Variants in MSI2 observed in about 807,000 individuals in gnomAD.
MSI2 encodes RNA-binding protein Musashi homolog 2.
In MSI2, 17 loss-of-function variants were observed where a neutral mutation model predicts 45.6. The observed-to-expected ratio is 0.37, with a 90% CI of 0.26 to 0.56. The LOEUF (loss-of-function observed/expected upper bound fraction) is 0.56, where lower values mean the gene tolerates loss of function less well. Among genes scored for constraint, MSI2 ranks in the 20% least tolerant of loss-of-function variants. The probability of loss-of-function intolerance (pLI) is 0.77; values close to 1 mark genes in which losing one functional copy is unlikely to be tolerated. For missense variants in MSI2, 293 were observed against 444.2 expected, an observed-to-expected ratio of 0.66 and a Z score of 3.06; for synonymous variants, 156 against 158.2, an observed-to-expected ratio of 0.99 and a Z score of 0.11.
intron 5 of MSI2, among the ~76,000 whole-genome samples, chr17:57,382,654 C>T (rs932993292): frequency 2.6e-5 from 4 of 152,160 alleles, no homozygotes; most frequent in Admixed American, 6.5e-5. Context: ...GATGGCTCTG[C>T]AGATACCCTG....
chr17:57,631,884 G>A, intron 10 of MSI2: 2 of 1,605,284 alleles, frequency 1.2e-6, no homozygotes, highest in South Asian at 2.2e-5. Flanking sequence ...TAGAGAGAGA[G>A]GACACAGTCC....
At position 57,256,790 on chromosome 17, in the gene MSI2, C is replaced by G. The variant is rs1369390390; in HGVS notation, c.48C>G (p.Ser16=). 1 of 1,476,876 alleles carries G rather than the reference C, an allele frequency of 6.8e-7. No homozygotes were observed. Among genetic ancestry groups the G allele is most frequent in the African/African-American group, 1.5e-5 (1 of 67,580 alleles). 91.5% of individuals were successfully genotyped at this position (1,476,876 alleles called of 1,614,324 possible). Residue 16 remains serine (S), a synonymous_variant, in exon 1 of 14, where the codon TCC becomes TCG. Coordinates refer to ENST00000284073, the MANE Select transcript of MSI2 (RefSeq NM_138962.4). The part of the protein sequence containing the change: ...SQGTSGSAND[S]QHDPGKMFIG... The stretch of plus-strand genomic sequence containing the variant: ...GCACCTCGGGCAGCGCCAACGACTC[C>G]CAGCACGACCCCGGGTAAGTTTCCA...
rs1906738036 is a variant in MSI2, at chr17:57,256,609, G to A, written c.-134G>A. Reference sequence around the variant, plus strand: ...GGCTCCGCCGCTCGCAGAGAGATTCGGAGGAGCCCGGGCGGGGGGGAGGAG... The same window carrying A: ...GGCTCCGCCGCTCGCAGAGAGATTCAGAGGAGCCCGGGCGGGGGGGAGGAG... On this transcript the variant is annotated 5_prime_UTR_variant, in exon 1 of 14. Coordinates refer to ENST00000284073, the MANE Select transcript of MSI2 (RefSeq NM_138962.4). 1 of 435,936 alleles carries A rather than the reference G, an allele frequency of 2.3e-6. No individual in the cohort carries two copies. The highest frequency in any genetic ancestry group is 3.9e-6 in the Non-Finnish European group (1 of 253,820). 27.0% of individuals were successfully genotyped at this position (435,936 alleles called of 1,614,324 possible). A position where few individuals can be genotyped will look rare whatever the true frequency, so the allele number is the denominator to read the frequency against.
At chr17:57,477,070 CCTTAA>C (rs1436847111) in intron 6 of MSI2, among the ~76,000 whole-genome samples, 28 of 151,790 alleles carry the variant, frequency 1.8e-4, no homozygotes, top group Admixed American at 1.6e-3. Context: ...TTGAGCCTGG[CCTTAA>C]CTGTGGAAAG....
intron 4 of MSI2, among the ~76,000 whole-genome samples, chr17:57,259,119 G>A (rs1053812964): frequency 3.1e-4 from 47 of 152,092 alleles, no homozygotes; most frequent in Non-Finnish European, 1.3e-4. Context: ...ATGGGAGGGG[G>A]AGTGTGCAGT....
At chr17:57,445,301 G>A (rs2084876871) in intron 6 of MSI2, among the ~76,000 whole-genome samples, 1 of 152,204 alleles carries the variant, frequency 6.6e-6, no homozygotes, top group Non-Finnish European at 1.5e-5. Flanking sequence ...CCTGAAATGA[G>A]ACATTTTGTA....
the MSI2 span, among the ~76,000 whole-genome samples, chr17:57,695,803 C>T: frequency 6.6e-6 from 1 of 152,172 alleles, no homozygotes; most frequent in Non-Finnish European, 1.5e-5. Flanking sequence ...ACTGGAAGTC[C>T]AAGATCAGGG....
At position 57,417,946 on chromosome 17, in the gene MSI2, G is replaced by GAAA. The variant is rs1459424938; in HGVS notation, c.405+16475_405+16476insAAA. Among the ~76,000 whole-genome samples the GAAA allele has an allele frequency of 2.6e-5, 4 of 152,204 alleles. No homozygotes were observed. In the East Asian group the frequency reaches 5.8e-4, roughly 22 times the overall value. On this transcript the variant is annotated intron_variant, in intron 6 of 13. Coordinates refer to ENST00000284073, the MANE Select transcript of MSI2 (RefSeq NM_138962.4). ...TTTTCACAATTGTTCCTTCCTCCCT[G>GAAA]TGTCTAGGAATTACAGAGTCATTGT...
intron 6 of MSI2, among the ~76,000 whole-genome samples, chr17:57,500,132 G>A (rs886355137): frequency 6.6e-6 from 1 of 152,134 alleles, no homozygotes; most frequent in Non-Finnish European, 1.5e-5. Flanking sequence ...GCCACATGTG[G>A]TCACTCTCAG....
Position 57,290,628 on chromosome 17 carries a change from A to G in MSI2, c.312+28436A>G, listed in dbSNP as rs1380854900. 2.0e-5 allele frequency among the ~76,000 whole-genome samples: 3 copies of G among 152,154 alleles called. No individual in the cohort carries two copies. The East Asian group carries it at 5.8e-4, about 29-fold the overall frequency. On this transcript the variant is annotated intron_variant, in intron 5 of 13. Transcript: ENST00000284073. Reference sequence around the variant, plus strand: ...GTCCCTGGCCTGGTTATATTATTCTATAATAGATGGTTAGCCTGGCTCCTG... The same window carrying G: ...GTCCCTGGCCTGGTTATATTATTCTGTAATAGATGGTTAGCCTGGCTCCTG...
At chr17:57,551,814 C>T (rs181208712) in intron 7 of MSI2, among the ~76,000 whole-genome samples, 3 of 152,284 alleles carry the variant, frequency 2.0e-5, no homozygotes, top group East Asian at 1.9e-4. Context: ...GAAACAGTGG[C>T]GTCCATTGCT....
chr17:57,328,099 G>A (rs1351342214), intron 5 of MSI2, among the ~76,000 whole-genome samples: 1 of 152,116 alleles, frequency 6.6e-6, no homozygotes, highest in African/African-American at 2.4e-5. Context: ...CAAGGTTCAT[G>A]TTCTAATAGC....
chr17:57,537,933 A>G (rs2144107882), intron 7 of MSI2, among the ~76,000 whole-genome samples: 1 of 152,328 alleles, frequency 6.6e-6, no homozygotes, highest in Middle Eastern at 3.4e-3. Context: ...CTGGCACCAA[A>G]AGGGTGGTGA....
At chr17:57,631,466 A>G in intron 10 of MSI2, 1 of 300,364 alleles carries the variant, frequency 3.3e-6, no homozygotes, top group Non-Finnish European at 6.2e-6. Context: ...CCTGGGCCAC[A>G]CAGCTGGTGG....
Position 57,310,351 on chromosome 17 carries a change from C to T in MSI2, c.312+48159C>T, listed in dbSNP as rs116369859. On this transcript the variant is annotated intron_variant, in intron 5 of 13. Transcript: ENST00000284073. ...GGTTGTGTTATTTTTTTTTTTTTTC[C>T]GAGTTGGAATCTCACTCCGTCACCC... Among the ~76,000 whole-genome samples, 801 of 150,532 alleles carry T rather than the reference C, an allele frequency of 5.3e-3. 11 individuals are homozygous for T. Among genetic ancestry groups the T allele is most frequent in the African/African-American group, 0.018 (729 of 40,840 alleles).
chr17:57,413,434 G>A (rs776156746), intron 6 of MSI2, among the ~76,000 whole-genome samples: 17 of 150,334 alleles, frequency 1.1e-4, no homozygotes, highest in Non-Finnish European at 1.9e-4. Flanking sequence ...GAGTTGAACC[G>A]ATGTAGGCCC....
In MSI2 at chr17:57,472,727, G is replaced by A. The variant is rs562546713; in HGVS notation, c.406-56949G>A. Among the ~76,000 whole-genome samples, 18 of 152,296 alleles carry A rather than the reference G, an allele frequency of 1.2e-4. No homozygotes were observed. The South Asian group carries it at 3.5e-3, about 30-fold the overall frequency. ...GTGCGCTGTGTGAAACACTCAGCGT[G>A]GATCCTGGTACGTCGTAAACACTAT... is the stretch of plus-strand genomic sequence containing the variant. On this transcript the variant is annotated intron_variant, in intron 6 of 13. Transcript: ENST00000284073.
In MSI2 at chr17:57,682,174, C is replaced by T. The variant is rs1489882935; in HGVS notation, c.*2657C>T. The T allele has an allele frequency of 1.6e-5, 3 of 192,536 alleles. No individual in the cohort carries two copies. The highest frequency in any genetic ancestry group is 3.2e-5 in the Non-Finnish European group (3 of 92,362). The allele number at this position is 192,536 out of a possible 1,614,324, so 11.9% of individuals were successfully genotyped here. A position where few individuals can be genotyped will look rare whatever the true frequency, so the allele number is the denominator to read the frequency against. On this transcript the variant is annotated 3_prime_UTR_variant, in exon 14 of 14. Coordinates refer to ENST00000284073, the MANE Select transcript of MSI2 (RefSeq NM_138962.4). ...TTTCTCTTATTTATGAAAAAAAATG[C>T]TAATAATTTTGGGGCAGTTTTTTCC...
chr17:57,406,097 G>A (rs1403508098), intron 6 of MSI2, among the ~76,000 whole-genome samples: 4 of 152,184 alleles, frequency 2.6e-5, no homozygotes, highest in South Asian at 2.1e-4. Flanking sequence ...TGTCAAAAAC[G>A]TTGATATACA....
Sources: allele counts gnomAD v4.1 joint callset (sites outside exome capture counted in the v4.1 genomes callset), GRCh38; gene constraint gnomAD v4.1.1; transcripts MANE v1.5; gene names NCBI Gene and HGNC (gene_info 2026-07-23, HGNC 2026-07-21).